The following EPB41L2 variants were observed in gnomAD, a reference collection of about 807,000 sequenced individuals.
EPB41L2 encodes the protein band 4.1-like protein 2.
In EPB41L2, 43 loss-of-function variants were observed where a neutral mutation model predicts 113.0. That is an observed-to-expected ratio of 0.38 (90% CI 0.30 to 0.49). The LOEUF (loss-of-function observed/expected upper bound fraction) is 0.49, where lower values mean the gene tolerates loss of function less well. EPB41L2 is among the 20% of genes least tolerant of loss of function. EPB41L2 has a pLI of 0.95. For missense variants in EPB41L2, 1,147 were observed against 1,223.4 expected, an observed-to-expected ratio of 0.94 and a Z score of 0.93; for synonymous variants, 442 against 436.7, an observed-to-expected ratio of 1.01 and a Z score of -0.15.
rs200185347 is a variant in EPB41L2 at position 130,955,294 on chromosome 6, C to T, written c.516G>A (p.Glu172=). Residue 172 remains glutamate (E), a synonymous_variant, in exon 3 of 20, where the codon GAG becomes GAA. Coordinates refer to ENST00000337057, the MANE Select transcript of EPB41L2 (RefSeq NM_001431.4). ...EMQPTELVSK[E]REEKVKETQE... is the part of the protein sequence containing the mutation. ...GTGTTTCTTTTACCTTCTCTTCTCTCTCCTTACTTACTAATTCAGTAGGCT... is the reference window on the plus strand; with the variant it reads ...GTGTTTCTTTTACCTTCTCTTCTCTTTCCTTACTTACTAATTCAGTAGGCT... The T allele has an allele frequency of 9.3e-6, 15 of 1,612,382 alleles. No homozygotes were observed. The African/African-American group carries it at 1.8e-4, about 19-fold the overall frequency.
intron 19 of EPB41L2, among the ~76,000 whole-genome samples, chr6:130,857,677 G>C (rs1305513855): frequency 6.7e-6 from 1 of 149,836 alleles, no homozygotes; most frequent in Admixed American, 6.7e-5. Flanking sequence ...TCCTGCCTCA[G>C]GCTCCCAAGT....
At chr6:131,024,281 C>A (rs551801833) in intron 1 of EPB41L2, among the ~76,000 whole-genome samples, 2 of 152,184 alleles carry the variant, frequency 1.3e-5, no homozygotes, top group East Asian at 3.9e-4. Flanking sequence ...ATATGGCATG[C>A]TGAAGAAGTA....
chr6:130,869,507 T>G, intron 15 of EPB41L2, 56 bp downstream of exon 15: 1 of 1,488,684 alleles, frequency 6.7e-7, no homozygotes, highest in South Asian at 1.2e-5. Context: ...AAGGCAGGAG[T>G]TCCCCATCTG....
At chr6:130,873,152 A>C (rs1786298118) in intron 14 of EPB41L2, among the ~76,000 whole-genome samples, 1 of 152,226 alleles carries the variant, frequency 6.6e-6, no homozygotes, top group South Asian at 2.1e-4. Flanking sequence ...GGCGTGCTAA[A>C]TATGCCACAG....
chr6:130,996,591 C>T (rs1163394913), intron 1 of EPB41L2, among the ~76,000 whole-genome samples: 1 of 152,184 alleles, frequency 6.6e-6, no homozygotes, highest in African/African-American at 2.4e-5. Context: ...ATGAGTCCAT[C>T]TAATGAATGA....
At chr6:131,011,455 A>G (rs574350284) in intron 1 of EPB41L2, among the ~76,000 whole-genome samples, 1 of 152,376 alleles carries the variant, frequency 6.6e-6, no homozygotes, top group Non-Finnish European at 1.5e-5. Context: ...GTAGATATTA[A>G]CTGAGAAGTT....
intron 3 of EPB41L2, among the ~76,000 whole-genome samples, chr6:130,938,444 T>A (rs1273364830): frequency 6.6e-6 from 1 of 151,706 alleles, no homozygotes; most frequent in East Asian, 1.9e-4. Context: ...GCTGGGTGAA[T>A]CTTTAAGGTC....
intron 6 of EPB41L2, among the ~76,000 whole-genome samples, chr6:130,902,757 T>C (rs950688517): frequency 2.0e-5 from 3 of 152,196 alleles, no homozygotes; most frequent in Non-Finnish European, 2.9e-5. Flanking sequence ...CTTTTCACAT[T>C]GGTCCTTTCC....
At chr6:130,900,331 A>G (rs1795951377) in intron 7 of EPB41L2, among the ~76,000 whole-genome samples, 1 of 152,200 alleles carries the variant, frequency 6.6e-6, no homozygotes, top group South Asian at 2.1e-4. Context: ...ATAAAACTGT[A>G]ATTTTGCAAT....
At chr6:130,950,893 A>T (rs1043006940) in intron 3 of EPB41L2, among the ~76,000 whole-genome samples, 1 of 152,202 alleles carries the variant, frequency 6.6e-6, no homozygotes, top group African/African-American at 2.4e-5. Flanking sequence ...TGATCCTCTT[A>T]GTTGATGCAA....
chr6:130,902,939 CT>C (rs1164386916), intron 6 of EPB41L2, among the ~76,000 whole-genome samples: 7 of 152,276 alleles, frequency 4.6e-5, no homozygotes, highest in African/African-American at 1.7e-4. Context: ...TAAATGTTCA[CT>C]CAAGTCATGG....
chr6:131,003,919 C>G (rs1360594434), intron 1 of EPB41L2, among the ~76,000 whole-genome samples: 1 of 152,186 alleles, frequency 6.6e-6, no homozygotes, highest in African/African-American at 2.4e-5. Context: ...AATCTCTGAG[C>G]CCACCCAACG....
intron 1 of EPB41L2, among the ~76,000 whole-genome samples, chr6:130,961,066 A>G (rs553355368): frequency 6.6e-6 from 1 of 152,210 alleles, no homozygotes; most frequent in South Asian, 2.1e-4. Context: ...TTTGCCTGAG[A>G]TGGTAAAGTC....
At chr6:130,926,254 G>A (rs1428226652) in intron 4 of EPB41L2, among the ~76,000 whole-genome samples, 1 of 152,184 alleles carries the variant, frequency 6.6e-6, no homozygotes, top group African/African-American at 2.4e-5. Flanking sequence ...GTACCGAAAG[G>A]CCAGACTGAG....
chr6:130,875,873 C>G (rs1339284151), intron 14 of EPB41L2, among the ~76,000 whole-genome samples: 6 of 151,442 alleles, frequency 4.0e-5, no homozygotes, highest in African/African-American at 1.5e-4. Context: ...TAGCAGGCAC[C>G]TGTAATCCCA....
chr6:130,911,206 T>C (rs900266266), intron 4 of EPB41L2, among the ~76,000 whole-genome samples: 3 of 152,138 alleles, frequency 2.0e-5, no homozygotes, highest in Admixed American at 6.5e-5. Context: ...TAAAAAAGGA[T>C]GAGTTCATGT....
chr6:130,994,894 C>T (rs1474168028), intron 1 of EPB41L2, among the ~76,000 whole-genome samples: 1 of 152,158 alleles, frequency 6.6e-6, no homozygotes, highest in Non-Finnish European at 1.5e-5. Flanking sequence ...AGAATGCAAC[C>T]ATTTGTCTCT....
chr6:130,998,961 GC>G (rs1562698324), intron 1 of EPB41L2, among the ~76,000 whole-genome samples: 1 of 152,024 alleles, frequency 6.6e-6, no homozygotes, highest in Non-Finnish European at 1.5e-5. Flanking sequence ...TCCTTTTCCA[GC>G]CTTTCTACTC....
chr6:131,025,208 C>T (rs942408647), intron 1 of EPB41L2, among the ~76,000 whole-genome samples: 1 of 152,128 alleles, frequency 6.6e-6, no homozygotes, highest in East Asian at 1.9e-4. Flanking sequence ...CTGTTTCCCC[C>T]CCGGTATGAC....
Sources: gnomAD v4.1 joint callset for allele counts (sites outside exome capture counted in the v4.1 genomes callset) on GRCh38, gnomAD v4.1.1 for gene constraint, MANE v1.5 for transcripts, NCBI Gene and HGNC (gene_info 2026-07-23, HGNC 2026-07-21) for gene names.